INPP4B: variants seen among roughly 807,000 people sequenced by gnomAD.
INPP4B encodes the protein inositol polyphosphate 4-phosphatase type II.
In INPP4B, 55 loss-of-function variants were observed where a neutral mutation model predicts 122.5. That is an observed-to-expected ratio of 0.45 (90% CI 0.36 to 0.56). The LOEUF (loss-of-function observed/expected upper bound fraction) is 0.56, where lower values mean the gene tolerates loss of function less well. INPP4B is among the 20% of genes least tolerant of loss of function. INPP4B has a pLI of 0.00. For missense variants in INPP4B, 1,000 were observed against 1,097.7 expected, an observed-to-expected ratio of 0.91 and a Z score of 1.26; for synonymous variants, 403 against 388.7, an observed-to-expected ratio of 1.04 and a Z score of -0.43.
intron 2 of INPP4B, among the ~76,000 whole-genome samples, chr4:142,476,571 A>G (rs1210385682): frequency 6.6e-6 from 1 of 152,218 alleles, no homozygotes; most frequent in African/African-American, 2.4e-5. Flanking sequence ...CAAGAGACCC[A>G]TCTCACATGC....
intron 2 of INPP4B, among the ~76,000 whole-genome samples, chr4:142,492,947 G>T (rs1822066906): frequency 6.6e-6 from 1 of 152,198 alleles, no homozygotes; most frequent in Non-Finnish European, 1.5e-5. Context: ...GGGAAAAATG[G>T]TTTCTTGGGC....
intron 2 of INPP4B, among the ~76,000 whole-genome samples, chr4:142,494,025 T>C (rs1230418401): frequency 6.6e-6 from 1 of 152,152 alleles, no homozygotes; most frequent in Non-Finnish European, 1.5e-5. Flanking sequence ...TTTCACAAGG[T>C]CTGATGGTTT....
intron 18 of INPP4B, among the ~76,000 whole-genome samples, chr4:142,141,262 C>G (rs1159115667): frequency 6.6e-6 from 1 of 152,094 alleles, no homozygotes; most frequent in Non-Finnish European, 1.5e-5. Context: ...GAAGATGTGC[C>G]TCATAGGCTA....
At chr4:142,407,724 G>T (rs913821543) in intron 5 of INPP4B, among the ~76,000 whole-genome samples, 1 of 152,034 alleles carries the variant, frequency 6.6e-6, no homozygotes, top group Non-Finnish European at 1.5e-5. Flanking sequence ...ATCCTGGAGA[G>T]AACCCGAGAT....
chr4:142,276,057 T>G (rs906709432), intron 9 of INPP4B, among the ~76,000 whole-genome samples: 4 of 151,758 alleles, frequency 2.6e-5, no homozygotes, highest in African/African-American at 9.7e-5. Context: ...CTCCTCTACC[T>G]CTGCCTTGCC....
chr4:142,757,636 T>C (rs1488654052), intron 1 of INPP4B, among the ~76,000 whole-genome samples: 1 of 152,198 alleles, frequency 6.6e-6, no homozygotes, highest in Non-Finnish European at 1.5e-5. Context: ...TAGCACTGAA[T>C]AATTTTCCAT....
intron 1 of INPP4B, among the ~76,000 whole-genome samples, chr4:142,807,262 T>C (rs1204685452): frequency 6.6e-6 from 1 of 152,038 alleles, no homozygotes; most frequent in African/African-American, 2.4e-5. Flanking sequence ...ACCAAGAAAA[T>C]TCCCCAAAGA....
intron 2 of INPP4B, among the ~76,000 whole-genome samples, chr4:142,571,209 T>A (rs999960261): frequency 1.3e-5 from 2 of 151,958 alleles, no homozygotes; most frequent in Non-Finnish European, 2.9e-5. Flanking sequence ...TTTATTTTTC[T>A]CTTCTCTTCC....
chr4:142,170,081 T>C (rs1032039967), intron 16 of INPP4B, among the ~76,000 whole-genome samples: 5 of 151,424 alleles, frequency 3.3e-5, no homozygotes, highest in Non-Finnish European at 7.4e-5. Context: ...ATACTTTTAG[T>C]CTGAGAAAAA....
intron 9 of INPP4B, among the ~76,000 whole-genome samples, chr4:142,279,354 A>G (rs1370040192): frequency 6.6e-6 from 1 of 151,910 alleles, no homozygotes; most frequent in Non-Finnish European, 1.5e-5. Flanking sequence ...AATAAAATGA[A>G]GGAATTGAAC....
At chr4:142,056,829 A>G (rs767609245) in intron 25 of INPP4B, among the ~76,000 whole-genome samples, 14 of 152,120 alleles carry the variant, frequency 9.2e-5, no homozygotes, top group Non-Finnish European at 1.3e-4. Context: ...TTAGAGGTCT[A>G]CTGTCCTCTA....
intron 12 of INPP4B, among the ~76,000 whole-genome samples, chr4:142,229,183 T>C (rs1853009213): frequency 6.6e-6 from 1 of 151,770 alleles, no homozygotes. Context: ...ATAATATAAA[T>C]TTAAGCAACA....
intron 15 of INPP4B, among the ~76,000 whole-genome samples, chr4:142,175,867 A>G: frequency 6.6e-6 from 1 of 152,112 alleles, no homozygotes; most frequent in South Asian, 2.1e-4. Context: ...TGTCACCAGA[A>G]TTTGAACAAC....
At chr4:142,669,878 C>G (rs1270603950) in intron 2 of INPP4B, among the ~76,000 whole-genome samples, 1 of 152,096 alleles carries the variant, frequency 6.6e-6, no homozygotes, top group Non-Finnish European at 1.5e-5. Flanking sequence ...ACCCTGTATC[C>G]TGTTGTTGTG....
intron 2 of INPP4B, among the ~76,000 whole-genome samples, chr4:142,624,541 T>C (rs1745840321): frequency 6.6e-6 from 1 of 152,152 alleles, no homozygotes; most frequent in Non-Finnish European, 1.5e-5. Flanking sequence ...AGCCGAATTC[T>C]ATCAGAGGTA....
intron 7 of INPP4B, among the ~76,000 whole-genome samples, chr4:142,379,695 T>C (rs889227296): frequency 1.3e-5 from 2 of 152,210 alleles, no homozygotes; most frequent in Non-Finnish European, 2.9e-5. Context: ...TACTTATAAA[T>C]AACTAGTTTC....
At chr4:142,068,458 C>T (rs1285960063) in intron 25 of INPP4B, among the ~76,000 whole-genome samples, 1 of 152,158 alleles carries the variant, frequency 6.6e-6, no homozygotes, top group African/African-American at 2.4e-5. Flanking sequence ...ATCATAATGA[C>T]AGGATCAAAT....
intron 2 of INPP4B, among the ~76,000 whole-genome samples, chr4:142,551,482 G>T (rs1338873325): frequency 6.6e-6 from 1 of 152,152 alleles, no homozygotes; most frequent in African/African-American, 2.4e-5. Flanking sequence ...ATGTCCAAAA[G>T]CACATTTTAA....
Position 142,145,893 on chromosome 4 carries a change from T to C in INPP4B, c.1667A>G (p.Asn556Ser), listed in dbSNP as rs761063434. ...TAATGAAGGTTCCTTTTCTCCATCA[T>C]TGTTGCCGCCACTGCCTTCACTGCC... ...DGGSEGSGGN[N>S]DGEKEPSLTD... is the part of the protein sequence containing the mutation. Residue 556 changes from asparagine (N) to serine (S), a missense_variant, in exon 18 of 26, where the codon AAT becomes AGT. Asn to Ser is a conservative substitution (Grantham distance 46). Coordinates refer to ENST00000262992, the MANE Select transcript of INPP4B (RefSeq NM_001101669.3). 1.2e-6 allele frequency: 2 copies of C among 1,613,862 alleles called. No individual in the cohort carries two copies. Among genetic ancestry groups the C allele is most frequent in the Non-Finnish European group, 1.7e-6 (2 of 1,179,810 alleles).
Sources: gnomAD v4.1 joint callset for allele counts (sites outside exome capture counted in the v4.1 genomes callset) on GRCh38, gnomAD v4.1.1 for gene constraint, MANE v1.5 for transcripts, NCBI Gene and HGNC (gene_info 2026-07-23, HGNC 2026-07-21) for gene names.